Variants in TBC1D4 observed in about 807,000 individuals in gnomAD.
TBC1D4 encodes the protein TBC1 domain family member 4, also known as TBC (Tre-2, BUB2, CDC16) domain-containing protein.
A neutral mutation model predicts 142.5 loss-of-function variants in TBC1D4; 121 were observed. The ratio of observed to expected loss-of-function variants is 0.85; its 90% CI spans 0.73 to 0.99. The LOEUF is 0.99. Among genes scored for constraint, TBC1D4 ranks in the 50% least tolerant of loss-of-function variants. The pLI is 0.00. For missense variants in TBC1D4, 1,475 were observed against 1,606.6 expected (o/e 0.92, Z 1.40); for synonymous variants, 630 against 628.2 (o/e 1.00, Z -0.04).
At chr13:75,294,174 T>C (rs1344743492) in intron 18 of TBC1D4, among the ~76,000 whole-genome samples, 2 of 152,192 alleles carry the variant, frequency 1.3e-5, no homozygotes, top group African/African-American at 4.8e-5. Flanking sequence ...TGAATAGATT[T>C]AAGGGCCTCC....
At chr13:75,452,815 T>C (rs1316203210) in intron 1 of TBC1D4, among the ~76,000 whole-genome samples, 2 of 152,184 alleles carry the variant, frequency 1.3e-5, no homozygotes, top group African/African-American at 4.8e-5. Context: ...TGTGGTGACA[T>C]AGACATGTCA....
chr13:75,432,340 A>G (rs1321503944), intron 1 of TBC1D4, among the ~76,000 whole-genome samples: 2 of 152,218 alleles, frequency 1.3e-5, no homozygotes, highest in African/African-American at 4.8e-5. Context: ...TATGACTAAA[A>G]GGTCCATTGA....
chr13:75,305,992 A>G (rs1372777232), intron 15 of TBC1D4, among the ~76,000 whole-genome samples: 1 of 152,222 alleles, frequency 6.6e-6, no homozygotes, highest in Admixed American at 6.5e-5. Context: ...GTAAATGAAT[A>G]CTTCTGACCA....
chr13:75,471,143 A>G (rs1888382289), intron 1 of TBC1D4, among the ~76,000 whole-genome samples: 1 of 151,700 alleles, frequency 6.6e-6, no homozygotes, highest in Non-Finnish European at 1.5e-5. Context: ...TAAAATGAAC[A>G]ATTTAATTTT....
At chr13:75,444,517 A>G (rs997890263) in intron 1 of TBC1D4, among the ~76,000 whole-genome samples, 3 of 152,236 alleles carry the variant, frequency 2.0e-5, no homozygotes, top group Admixed American at 6.5e-5. Flanking sequence ...CAAGGTGATC[A>G]AAAGTTTAAT....
intron 1 of TBC1D4, among the ~76,000 whole-genome samples, chr13:75,364,485 T>C (rs1007734462): frequency 6.6e-6 from 1 of 152,272 alleles, no homozygotes; most frequent in Non-Finnish European, 1.5e-5. Context: ...CTTCAGTGAC[T>C]CACCCTGAAC....
chr13:75,323,508 C>T (rs1437632545), intron 11 of TBC1D4, among the ~76,000 whole-genome samples: 4 of 152,112 alleles, frequency 2.6e-5, no homozygotes, highest in Middle Eastern at 3.4e-3. Context: ...TTAAAAAAAG[C>T]AATTCTCCAA....
chr13:75,419,553 T>A (rs1415345057), intron 1 of TBC1D4, among the ~76,000 whole-genome samples: 1 of 152,194 alleles, frequency 6.6e-6, no homozygotes, highest in African/African-American at 2.4e-5. Flanking sequence ...ATAAATACTC[T>A]TCTAACTCTT....
At chr13:75,340,514 A>C (rs1038368350) in intron 7 of TBC1D4, among the ~76,000 whole-genome samples, 2 of 152,272 alleles carry the variant, frequency 1.3e-5, no homozygotes, top group Non-Finnish European at 2.9e-5. Context: ...TAATAGATTA[A>C]TATAACTAAA....
intron 1 of TBC1D4, among the ~76,000 whole-genome samples, chr13:75,410,092 T>G (rs1885561698): frequency 6.6e-6 from 1 of 152,348 alleles, no homozygotes; most frequent in African/African-American, 2.4e-5. Flanking sequence ...CAGAGTATTG[T>G]TGTGAGGTTT....
At chr13:75,378,333 C>T (rs990755884) in intron 1 of TBC1D4, among the ~76,000 whole-genome samples, 4 of 152,084 alleles carry the variant, frequency 2.6e-5, no homozygotes, top group Non-Finnish European at 5.9e-5. Context: ...ATCACCTACT[C>T]ATTCTTATGT....
chr13:75,312,978 C>T, intron 12 of TBC1D4, 80 bp from the exon 13 acceptor site: 1 of 1,534,040 alleles, frequency 6.5e-7, no homozygotes, highest in East Asian at 2.3e-5. Flanking sequence ...TAGCACAAGC[C>T]ATTCACAAGT....
chr13:75,466,586 T>C (rs1328275980), intron 1 of TBC1D4, among the ~76,000 whole-genome samples: 1 of 152,094 alleles, frequency 6.6e-6, no homozygotes, highest in East Asian at 1.9e-4. Context: ...AAATATATCA[T>C]CTGATGGCCA....
chr13:75,409,599 C>A (rs2138388159), intron 1 of TBC1D4, among the ~76,000 whole-genome samples: 1 of 152,224 alleles, frequency 6.6e-6, no homozygotes, highest in Admixed American at 6.5e-5. Context: ...TAGTTCATTC[C>A]ACAGTTTGAT....
intron 1 of TBC1D4, among the ~76,000 whole-genome samples, chr13:75,426,536 T>C (rs371724535): frequency 3.3e-4 from 51 of 152,326 alleles, no homozygotes; most frequent in African/African-American, 1.0e-3. Flanking sequence ...TCACCTTGCA[T>C]TGAATTTATT....
chr13:75,409,531 C>T (rs796955215), intron 1 of TBC1D4, among the ~76,000 whole-genome samples: 10 of 152,210 alleles, frequency 6.6e-5, no homozygotes, highest in African/African-American at 2.4e-4. Context: ...TTCAAAATAC[C>T]CTGGCTAACA....
chr13:75,346,224 ATATACGTGCCATG>A (rs1296781890), intron 5 of TBC1D4, among the ~76,000 whole-genome samples: 1 of 126,836 alleles, frequency 7.9e-6, no homozygotes, highest in African/African-American at 2.8e-5. Context: ...TTACACAGGT[ATATACGTGCCATG>A]GTGCACCCAT....
chr13:75,464,597 C>A (rs1269189430), intron 1 of TBC1D4, among the ~76,000 whole-genome samples: 1 of 152,264 alleles, frequency 6.6e-6, no homozygotes, highest in Non-Finnish European at 1.5e-5. Flanking sequence ...TCCCACTCCA[C>A]ACTCTGTATT....
chr13:75,422,746 G>A (rs1475912751), intron 1 of TBC1D4, among the ~76,000 whole-genome samples: 2 of 152,098 alleles, frequency 1.3e-5, no homozygotes, highest in Non-Finnish European at 2.9e-5. Context: ...TGAGGAGTGA[G>A]GGGGAAATAA....
Sources: gnomAD v4.1 joint callset for allele counts (sites outside exome capture counted in the v4.1 genomes callset) on GRCh38, gnomAD v4.1.1 for gene constraint, MANE v1.5 for transcripts, NCBI Gene and HGNC (gene_info 2026-07-23, HGNC 2026-07-21) for gene names.